The following MAP3K14 variants were observed in gnomAD, a reference collection of about 807,000 sequenced individuals.
The protein encoded by MAP3K14 is NF-kappa-beta-inducing kinase.
Under a neutral mutation model 99.2 loss-of-function variants are expected in MAP3K14, and 16 were observed. That is an observed-to-expected ratio of 0.16 (90% confidence interval 0.11 to 0.24). MAP3K14 has a LOEUF of 0.24. Among genes scored for constraint, MAP3K14 ranks in the 10% least tolerant of loss-of-function variants. The pLI is 1.00. For missense variants in MAP3K14, 784 were observed against 1,208.7 expected (o/e 0.65, Z 5.21); for synonymous variants, 462 against 492.4 (o/e 0.94, Z 0.82).
In MAP3K14 at chr17:45,286,915, C is replaced by G; in HGVS notation, c.668G>C (p.Arg223Pro). ...GCTGATCAGTTTGTGGAGTTCTGAT[C>G]GAGGCAGAGCCGGCCGTAGGCCCTC... ...LGEGLRPALP[R>P]SELHKLISPL... Residue 223 changes from arginine to proline, a missense_variant, in exon 5 of 16, where the codon CGA (arginine) becomes CCA (proline). Arg to Pro is a moderately radical substitution (Grantham distance 103). Around this residue, in one of 5 missense-constraint regions of MAP3K14, gnomAD observed 188 missense variants for 313.0 expected, o/e 0.60. Coordinates refer to ENST00000344686, the MANE Select transcript of MAP3K14 (RefSeq NM_003954.5). The surrounding 1 kb of genome is among the most constrained non-coding windows in gnomAD (Gnocchi z 4.1). 1 of 1,614,022 alleles carries G rather than the reference C, an allele frequency of 6.2e-7. No homozygotes were observed. The highest frequency in any genetic ancestry group is 1.1e-5 in the South Asian group (1 of 91,084).
intron 1 of MAP3K14, among the ~76,000 whole-genome samples, chr17:45,309,002 G>A (rs189952196): frequency 4.1e-4 from 62 of 152,090 alleles, no homozygotes; most frequent in African/African-American, 1.5e-3. Flanking sequence ...TTTTTTTGGA[G>A]GTGGATCTCA....
intron 14 of MAP3K14, 195 bp downstream of exon 14, chr17:45,266,342 A>C: frequency 3.5e-6 from 2 of 575,448 alleles, no homozygotes; most frequent in Non-Finnish European, 5.9e-6. Context: ...CTGCCCCATC[A>C]GGAAAGGCTC....
chr17:45,284,002 A>G (rs1272476614), intron 6 of MAP3K14, among the ~76,000 whole-genome samples: 1 of 152,100 alleles, frequency 6.6e-6, no homozygotes, highest in Non-Finnish European at 1.5e-5. Context: ...GCCGCCACCG[A>G]TGCTCCCTCT....
chr17:45,287,435 T>C, intron 3 of MAP3K14, 71 bp from the exon 4 acceptor site: 1 of 1,315,970 alleles, frequency 7.6e-7, no homozygotes, highest in Admixed American at 1.9e-5. Flanking sequence ...CAGACACTTG[T>C]ATCTGGACTC....
At chr17:45,268,473 C>T (rs1167817440) in intron 11 of MAP3K14, 2 of 151,854 alleles carry the variant, frequency 1.3e-5, no homozygotes, top group Non-Finnish European at 2.9e-5. Flanking sequence ...GGCTGGACTC[C>T]AACTCCTGGG....
intron 10 of MAP3K14, chr17:45,270,828 G>T (rs1023892642): frequency 2.6e-6 from 2 of 767,928 alleles, no homozygotes; most frequent in Non-Finnish European, 4.2e-6. Flanking sequence ...GGGGCCCAGG[G>T]TATGGACAGA....
At chr17:45,293,705 G>T (rs957640219) in intron 1 of MAP3K14, among the ~76,000 whole-genome samples, 1 of 152,150 alleles carries the variant, frequency 6.6e-6, no homozygotes, top group Non-Finnish European at 1.5e-5. Context: ...GCTTTTCTGT[G>T]CCACATCACC....
At position 45,266,539 on chromosome 17, in the gene MAP3K14, T is replaced by C. The variant is rs371527687; in HGVS notation, c.2576A>G (p.Asn859Ser). The stretch of plus-strand genomic sequence containing the variant: ...AGCAGGTGGGAATTGGACTGTACCA[T>C]TGAAATAGCTTGGGGTGTCGGTGGG... ...GRPTDTPSYF[N>S]GVKVQIQSLN... is the part of the protein sequence containing the mutation. The change falls in exon 14 of 16, where the codon AAT (asparagine) becomes AGT (serine). Residue 859 changes from asparagine to serine, a missense_variant and splice_region_variant. Coordinates refer to ENST00000344686, the MANE Select transcript of MAP3K14 (RefSeq NM_003954.5). 9.3e-6 allele frequency: 15 copies of C among 1,612,030 alleles called. No homozygotes were observed. The highest frequency in any genetic ancestry group is 2.7e-5 in the African/African-American group (2 of 74,862).
chr17:45,279,639 G>A (rs901103965), intron 6 of MAP3K14, among the ~76,000 whole-genome samples: 14 of 149,186 alleles, frequency 9.4e-5, no homozygotes, highest in African/African-American at 3.2e-4. Context: ...TAGCCAGGAT[G>A]GTCTCGCTCT....
In MAP3K14 at chr17:45,290,705, G is replaced by A. The variant is rs768335568; in HGVS notation, c.41C>T (p.Ser14Leu). 12 of 1,613,372 alleles carry A rather than the reference G, an allele frequency of 7.4e-6. No homozygotes were observed. The South Asian group carries it at 1.1e-4, about 15-fold the overall frequency. The change falls in exon 2 of 16, where the codon TCA becomes TTA. Residue 14 changes from serine (S) to leucine (L), a missense_variant. Ser to Leu is a moderately radical substitution (Grantham distance 145). Transcript: ENST00000344686. Reference sequence around the variant, plus strand: ...GAGTTCCTTCTGCTGCCCCACTGCTGAGCCAGGGGCACCTGGGCAGGCCAT... The same window carrying A: ...GAGTTCCTTCTGCTGCCCCACTGCTAAGCCAGGGGCACCTGGGCAGGCCAT... Reference protein sequence around the residue: ...MEMACPGAPGSAVGQQKELPK... With the variant: ...MEMACPGAPGLAVGQQKELPK...
intron 1 of MAP3K14, among the ~76,000 whole-genome samples, chr17:45,300,146 C>T (rs570792040): frequency 7.8e-4 from 119 of 152,202 alleles, no homozygotes; most frequent in African/African-American, 2.6e-3. Flanking sequence ...AGGGTAAATA[C>T]AATTTATGGG....
Position 45,287,172 on chromosome 17 carries a change from G to C in MAP3K14, c.519C>G (p.Ser173Arg), listed in dbSNP as rs762882942. The change falls in exon 4 of 16, where the codon AGC becomes AGG. Residue 173 changes from serine (S) to arginine (R), a missense_variant. This residue lies in a region of MAP3K14 where 188 missense variants were observed against 313.0 expected (regional missense o/e 0.60). Coordinates refer to ENST00000344686, the MANE Select transcript of MAP3K14 (RefSeq NM_003954.5). ...KPLPRTPEQE[S>R]CTIPVQEDES... ...GTCTCACCTGCACTGGGATGGTGCA[G>C]CTCTCCTGCTCAGGGGTCCTGGGGA... 6.2e-7 allele frequency: 1 copy of C among 1,613,660 alleles called. No individual in the cohort carries two copies. The highest frequency in any genetic ancestry group is 8.5e-7 in the Non-Finnish European group (1 of 1,179,776).
intron 1 of MAP3K14, among the ~76,000 whole-genome samples, chr17:45,304,042 T>G (rs1310379275): frequency 4.8e-5 from 7 of 146,712 alleles, no homozygotes; most frequent in Non-Finnish European, 7.5e-5. Flanking sequence ...AGACGGAGTC[T>G]CGCTCTGTCG....
Position 45,316,944 on chromosome 17 carries a change from C to A in MAP3K14, c.-21+16G>T, listed in dbSNP as rs1256006196. On this transcript the variant is annotated intron_variant, in intron 1 of 15. Transcript: ENST00000344686. ...TCGCCTCGCACCGGGCCCCAGGGTC[C>A]CGCCCCGTCACCTACCGGCCAAGCG... 6.6e-6 allele frequency: 1 copy of A among 152,100 alleles called. No homozygotes were observed. The highest frequency in any genetic ancestry group is 1.9e-4 in the East Asian group (1 of 5,198). 9.4% of individuals were successfully genotyped at this position (152,100 alleles called of 1,614,324 possible).
At chr17:45,314,432 C>T (rs993641656) in intron 1 of MAP3K14, among the ~76,000 whole-genome samples, 14 of 152,226 alleles carry the variant, frequency 9.2e-5, no homozygotes, top group African/African-American at 3.4e-4. Flanking sequence ...CCTAAATCCA[C>T]TGACATGGAA....
intron 5 of MAP3K14, 132 bp from the exon 6 acceptor site, chr17:45,285,081 C>A: frequency 5.1e-6 from 5 of 980,078 alleles, no homozygotes; most frequent in South Asian, 1.7e-5. Flanking sequence ...AACCAGGCAG[C>A]CCTGGGGCGA....
chr17:45,267,942 A>C lies in MAP3K14; in HGVS notation c.1973-183T>G. On this transcript the variant is annotated intron_variant, in intron 11 of 15. Transcript: ENST00000344686. The surrounding 1 kb of genome is among the most constrained non-coding windows in gnomAD (Gnocchi z 5.1). ...GGTGGTCTCCACAGGAGACTTCCTC[A>C]ATAAAATGGTCCCAATATGACAGGG... The C allele has an allele frequency of 1.8e-6, 1 of 555,094 alleles. No individual in the cohort carries two copies. The highest frequency in any genetic ancestry group is 2.5e-5 in the South Asian group (1 of 40,776). 34.4% of individuals were successfully genotyped at this position (555,094 alleles called of 1,614,324 possible).
intron 1 of MAP3K14, among the ~76,000 whole-genome samples, chr17:45,300,091 A>G (rs1567999627): frequency 6.6e-6 from 1 of 152,204 alleles, no homozygotes; most frequent in Non-Finnish European, 1.5e-5. Context: ...TCCATCTCAA[A>G]AAAACAAAAC....
intron 1 of MAP3K14, among the ~76,000 whole-genome samples, chr17:45,310,945 G>C (rs2044472145): frequency 6.6e-6 from 1 of 152,098 alleles, no homozygotes; most frequent in African/African-American, 2.4e-5. Context: ...TCCCAGGCCT[G>C]GCAGAGCTTG....
Sources: gnomAD v4.1 joint callset for allele counts (sites outside exome capture counted in the v4.1 genomes callset) on GRCh38, gnomAD v4.1.1 for gene constraint, gnomAD v4.1.1 regional missense constraint, Gnocchi (gnomAD v3.1) non-coding constraint, MANE v1.5 for transcripts, NCBI Gene and HGNC (gene_info 2026-07-23, HGNC 2026-07-21) for gene names.